Variants in BARX2 observed in about 807,000 individuals in gnomAD.
The protein encoded by BARX2 is BARX homeobox 2, also known as homeobox protein BarH-like 2.
In BARX2, 11 loss-of-function variants were observed where a neutral mutation model predicts 25.5. The observed-to-expected ratio is 0.43, with a 90% CI of 0.27 to 0.71. The LOEUF (loss-of-function observed/expected upper bound fraction) is 0.71, where lower values mean the gene tolerates loss of function less well. Among genes scored for constraint, BARX2 ranks in the 30% least tolerant of loss-of-function variants. BARX2 has a pLI of 0.19. For synonymous variants in BARX2, 137 were observed against 149.5 expected (o/e 0.92, Z 0.61); for missense variants, 360 against 359.9 (o/e 1.00, Z 0.00).
intron 1 of BARX2, among the ~76,000 whole-genome samples, chr11:129,416,221 A>G (rs1161006812): frequency 6.6e-6 from 1 of 152,140 alleles, no homozygotes; most frequent in African/African-American, 2.4e-5. Flanking sequence ...TTGCCATTTC[A>G]CCTTGCAGTG....
At chr11:129,447,709 T>TG (rs1279368580) in intron 3 of BARX2, among the ~76,000 whole-genome samples, 1 of 152,086 alleles carries the variant, frequency 6.6e-6, no homozygotes, top group Non-Finnish European at 1.5e-5. Flanking sequence ...AACAGCCAGG[T>TG]GGGGTCCGTC....
chr11:129,439,350 A>C (rs1430495287), intron 2 of BARX2, among the ~76,000 whole-genome samples: 3 of 152,058 alleles, frequency 2.0e-5, no homozygotes, highest in Non-Finnish European at 4.4e-5. Flanking sequence ...ACATAGGTAT[A>C]CACGTGCCAT....
At chr11:129,440,086 AC>A (rs1862239199) in intron 2 of BARX2, among the ~76,000 whole-genome samples, 1 of 151,928 alleles carries the variant, frequency 6.6e-6, no homozygotes, top group South Asian at 2.1e-4. Flanking sequence ...TCGCCTCCCT[AC>A]GTGACCAGGG....
intron 1 of BARX2, among the ~76,000 whole-genome samples, chr11:129,388,986 G>A (rs1861641706): frequency 1.3e-5 from 2 of 152,166 alleles, no homozygotes; most frequent in South Asian, 4.2e-4. Context: ...CACATAATAG[G>A]GTTAGTTGTG....
chr11:129,419,773 A>ATAT (rs973893031), intron 1 of BARX2, among the ~76,000 whole-genome samples: 2 of 151,770 alleles, frequency 1.3e-5, no homozygotes, highest in South Asian at 4.2e-4. Context: ...ATTACTGGCA[A>ATAT]TATTATTATT....
intron 1 of BARX2, among the ~76,000 whole-genome samples, chr11:129,431,987 T>A (rs966623368): frequency 1.2e-5 from 1 of 85,572 alleles, no homozygotes; most frequent in African/African-American, 4.3e-5. Flanking sequence ...TTATTTTATT[T>A]ATTTTTATTT....
intron 1 of BARX2, among the ~76,000 whole-genome samples, chr11:129,391,550 A>G (rs1202300628): frequency 1.3e-5 from 2 of 152,178 alleles, no homozygotes; most frequent in Admixed American, 1.3e-4. Flanking sequence ...ATAAACTATG[A>G]TGTCATTCCA....
intron 2 of BARX2, among the ~76,000 whole-genome samples, chr11:129,438,551 C>G (rs970846061): frequency 4.6e-5 from 7 of 152,134 alleles, no homozygotes; most frequent in African/African-American, 1.7e-4. Context: ...TGTGTAGTAG[C>G]TCTTTGATAC....
rs1862185201 is a variant in BARX2 at position 129,436,035 on chromosome 11, C to T, written c.188-716C>T. ...GAGGCGCCAGTCATACCGATCTGAG[C>T]TTTCATGTGATTTAAAATCTGTTTG... is the stretch of plus-strand genomic sequence containing the variant. On this transcript the variant is annotated intron_variant, in intron 1 of 3. Coordinates refer to ENST00000281437, the MANE Select transcript of BARX2 (RefSeq NM_003658.5). The surrounding 1 kb of genome is among the most constrained non-coding windows in gnomAD (Gnocchi z 4.5). 6.6e-6 allele frequency: 1 copy of T among 152,198 alleles called. No homozygotes were observed. Among genetic ancestry groups the T allele is most frequent in the Admixed American group, 6.5e-5 (1 of 15,282 alleles). 9.4% of individuals were successfully genotyped at this position (152,198 alleles called of 1,614,324 possible).
chr11:129,375,477 G>T (rs1591421740), upstream of BARX2, among the ~76,000 whole-genome samples: 1 of 152,128 alleles, frequency 6.6e-6, no homozygotes, highest in East Asian at 1.9e-4. The surrounding 1 kb of genome is among the most constrained non-coding windows in gnomAD (Gnocchi z 4.0). Context: ...AGGTGCTCAT[G>T]GGGAACACTG....
At chr11:129,449,845 T>C (rs930380612) in intron 3 of BARX2, among the ~76,000 whole-genome samples, 2 of 152,124 alleles carry the variant, frequency 1.3e-5, no homozygotes, top group African/African-American at 4.8e-5. Context: ...TTCTGAAAAG[T>C]GCTCTGGCCA....
chr11:129,432,314 G>A (rs771440832), intron 1 of BARX2, among the ~76,000 whole-genome samples: 5 of 151,946 alleles, frequency 3.3e-5, no homozygotes, highest in South Asian at 2.1e-4. Flanking sequence ...TGCCCACCTC[G>A]GCCTCCCAAA....
intron 1 of BARX2, among the ~76,000 whole-genome samples, chr11:129,420,676 T>C (rs187349088): frequency 6.6e-5 from 10 of 152,358 alleles, no homozygotes; most frequent in African/African-American, 2.2e-4. Context: ...AGTTTATTAC[T>C]TCACCTCCTT....
At chr11:129,416,875 GT>G (rs66479529) in intron 1 of BARX2, among the ~76,000 whole-genome samples, 13,647 of 132,906 alleles carry the variant, frequency 0.1, 1,421 homozygotes, top group African/African-American at 0.27. Context: ...CAGTGTCTTT[GT>G]TTTTTTTTTT....
intron 1 of BARX2, among the ~76,000 whole-genome samples, chr11:129,430,357 A>T (rs535990577): frequency 6.6e-6 from 1 of 152,100 alleles, no homozygotes; most frequent in Non-Finnish European, 1.5e-5. Context: ...ATTAATATAC[A>T]TATTACTGGA....
chr11:129,404,227 AC>A (rs1861806677), intron 1 of BARX2, among the ~76,000 whole-genome samples: 1 of 152,150 alleles, frequency 6.6e-6, no homozygotes, highest in African/African-American at 2.4e-5. Flanking sequence ...CCTGAAGAAA[AC>A]CCCAGTCAGC....
intron 1 of BARX2, among the ~76,000 whole-genome samples, chr11:129,421,713 CT>C (rs1382763319): frequency 1.3e-5 from 2 of 152,172 alleles, no homozygotes; most frequent in African/African-American, 4.8e-5. Context: ...GGTTTAATGA[CT>C]TGCCTTCATG....
intron 1 of BARX2, among the ~76,000 whole-genome samples, chr11:129,393,629 A>G (rs1861688223): frequency 6.6e-6 from 1 of 151,892 alleles, no homozygotes; most frequent in Admixed American, 6.6e-5. Context: ...ACAGTTCAAT[A>G]TTTTATCCAC....
At chr11:129,447,953 C>T (rs1250657177) in intron 3 of BARX2, among the ~76,000 whole-genome samples, 7 of 152,152 alleles carry the variant, frequency 4.6e-5, no homozygotes, top group Admixed American at 2.0e-4. Flanking sequence ...TAATGACTTA[C>T]GTGAAAAGAA....
Sources: gnomAD v4.1 joint callset for allele counts (sites outside exome capture counted in the v4.1 genomes callset) on GRCh38, gnomAD v4.1.1 for gene constraint, Gnocchi (gnomAD v3.1) non-coding constraint, MANE v1.5 for transcripts, NCBI Gene and HGNC (gene_info 2026-07-23, HGNC 2026-07-21) for gene names.